KIF21A: variants seen among roughly 807,000 people sequenced by gnomAD.
KIF21A encodes the protein kinesin-like protein KIF21A.
A neutral mutation model predicts 202.9 loss-of-function variants in KIF21A; 114 were observed. The ratio of observed to expected loss-of-function variants is 0.56; its 90% CI spans 0.48 to 0.66. KIF21A has a LOEUF of 0.66. Ranked by LOEUF, KIF21A falls within the 30% of genes least tolerant of loss-of-function variation. The pLI, the probability that KIF21A is intolerant of heterozygous loss-of-function variation, is 0.00. For synonymous variants in KIF21A, 667 were observed against 670.8 expected (o/e 0.99, Z 0.09); for missense variants, 1,677 against 1,994.9 (o/e 0.84, Z 3.04).
chr12:39,351,222 A>G (rs1948351018), intron 11 of KIF21A, among the ~76,000 whole-genome samples: 1 of 152,132 alleles, frequency 6.6e-6, no homozygotes, highest in African/African-American at 2.4e-5. Flanking sequence ...TGAAAAGCTG[A>G]GTAACTCCTT....
intron 1 of KIF21A, among the ~76,000 whole-genome samples, chr12:39,421,075 G>A (rs147288104): frequency 5.3e-5 from 8 of 152,300 alleles, no homozygotes; most frequent in Non-Finnish European, 8.8e-5. Context: ...AACAGTGGTC[G>A]CTTAAGATGA....
rs769871962 is a variant in KIF21A, at chr12:39,357,201, T to C, written c.1405+47A>G. The C allele has an allele frequency of 2.7e-6, 4 of 1,505,936 alleles. No homozygotes were observed. In the Admixed American group the frequency reaches 6.7e-5, roughly 25 times the overall value. The allele number at this position is 1,505,936 out of a possible 1,614,324, so 93.3% of individuals were successfully genotyped here. A position where few individuals can be genotyped will look rare whatever the true frequency, so the allele number is the denominator to read the frequency against. On this transcript the variant is annotated intron_variant, in intron 9 of 37. Transcript: ENST00000361418. The stretch of plus-strand genomic sequence containing the variant: ...ATTAGTGAACACAAAGAATGTTCCC[T>C]GCCCTCCAGAAGTTAATCCCTCACT...
chr12:39,436,448 A>ATATATATATATATATATTT (rs1387332677), intron 1 of KIF21A, among the ~76,000 whole-genome samples: 153 of 95,702 alleles, frequency 1.6e-3, no homozygotes, highest in African/African-American at 6.9e-3. Context: ...ATATATATAT[A>ATATATATATATATATATTT]TTTTTTTTTT....
At chr12:39,313,361 G>A (rs1592082439) in intron 31 of KIF21A, among the ~76,000 whole-genome samples, 1 of 151,802 alleles carries the variant, frequency 6.6e-6, no homozygotes, top group South Asian at 2.1e-4. Flanking sequence ...ACCAACAAAA[G>A]ATAACATGGG....
At chr12:39,431,552 T>C (rs1184748345) in intron 1 of KIF21A, among the ~76,000 whole-genome samples, 1 of 152,184 alleles carries the variant, frequency 6.6e-6, no homozygotes, top group Non-Finnish European at 1.5e-5. Flanking sequence ...GTGATTTACT[T>C]GTGGCTTTAT....
intron 1 of KIF21A, among the ~76,000 whole-genome samples, chr12:39,419,358 G>C (rs1004528590): frequency 6.6e-6 from 1 of 152,202 alleles, no homozygotes; most frequent in African/African-American, 2.4e-5. Context: ...TCTAGTTACT[G>C]TAAGATGCAA....
At chr12:39,308,350 T>G (rs1307933373) in intron 33 of KIF21A, among the ~76,000 whole-genome samples, 3 of 150,726 alleles carry the variant, frequency 2.0e-5, no homozygotes, top group African/African-American at 7.3e-5. Flanking sequence ...ATTGCACCAC[T>G]GCACTCCACC....
At chr12:39,395,390 A>C (rs756184202) in intron 1 of KIF21A, among the ~76,000 whole-genome samples, 3 of 150,716 alleles carry the variant, frequency 2.0e-5, no homozygotes, top group Non-Finnish European at 2.9e-5. Context: ...CCGCTTCTTC[A>C]CCGCATTACT....
intron 16 of KIF21A, among the ~76,000 whole-genome samples, chr12:39,338,860 T>A (rs946813975): frequency 6.6e-6 from 1 of 152,200 alleles, no homozygotes. Flanking sequence ...CAAATGCTGT[T>A]GGAAAAATAG....
At chr12:39,351,321 T>C (rs1399549964) in intron 11 of KIF21A, among the ~76,000 whole-genome samples, 1 of 152,010 alleles carries the variant, frequency 6.6e-6, no homozygotes, top group Non-Finnish European at 1.5e-5. Flanking sequence ...AGAGACCAAA[T>C]GACATTACAT....
chr12:39,366,561 A>G (rs1183797534), intron 5 of KIF21A, 44 bp from the exon 6 acceptor site: 1 of 1,392,210 alleles, frequency 7.2e-7, no homozygotes, highest in Non-Finnish European at 1.0e-6. Flanking sequence ...TTAATGTAAC[A>G]TTAAATATCC....
intron 27 of KIF21A, chr12:39,321,533 G>A (rs1945259174): frequency 6.6e-6 from 1 of 152,078 alleles, no homozygotes; most frequent in African/African-American, 2.4e-5. Flanking sequence ...AAACTATTCT[G>A]GTTAGCAATC....
intron 5 of KIF21A, 141 bp from the exon 6 acceptor site, chr12:39,366,658 T>C (rs1010934824): frequency 1.5e-6 from 1 of 677,418 alleles, no homozygotes; most frequent in African/African-American, 1.8e-5. Context: ...CAAAAATGTC[T>C]GCTGGCAATT....
intron 11 of KIF21A, among the ~76,000 whole-genome samples, chr12:39,351,355 C>T (rs7303100): frequency 0.013 from 1,949 of 152,040 alleles, 17 homozygotes; most frequent in Non-Finnish European, 0.02. Flanking sequence ...ATTAGTTTAG[C>T]CTTTAGTTAA....
intron 1 of KIF21A, among the ~76,000 whole-genome samples, chr12:39,371,443 C>G (rs915361624): frequency 6.6e-6 from 1 of 152,042 alleles, no homozygotes; most frequent in Non-Finnish European, 1.5e-5. Context: ...AATCTGTTTT[C>G]AAAGAAGAAA....
At chr12:39,440,866 T>C (rs957805184) in intron 1 of KIF21A, among the ~76,000 whole-genome samples, 1 of 151,968 alleles carries the variant, frequency 6.6e-6, no homozygotes, top group African/African-American at 2.4e-5. Context: ...TGTATAAAAA[T>C]TAGCCAAGCA....
intron 1 of KIF21A, among the ~76,000 whole-genome samples, chr12:39,378,458 C>T (rs2139368140): frequency 6.6e-6 from 1 of 152,338 alleles, no homozygotes; most frequent in African/African-American, 2.4e-5. Flanking sequence ...CTTCTGGAAA[C>T]TCCAGAGCTT....
intron 35 of KIF21A, among the ~76,000 whole-genome samples, chr12:39,303,650 G>A (rs1348434480): frequency 4.6e-5 from 7 of 152,050 alleles, no homozygotes; most frequent in Non-Finnish European, 7.4e-5. Flanking sequence ...TCATGTATAA[G>A]TGCACAAATG....
intron 29 of KIF21A, among the ~76,000 whole-genome samples, chr12:39,316,752 CA>C (rs1171469340): frequency 6.6e-6 from 1 of 152,050 alleles, no homozygotes; most frequent in Non-Finnish European, 1.5e-5. Flanking sequence ...AAAGGAGCCC[CA>C]GAGAAAGTAA....
Sources: gnomAD v4.1 joint callset for allele counts (sites outside exome capture counted in the v4.1 genomes callset) on GRCh38, gnomAD v4.1.1 for gene constraint, MANE v1.5 for transcripts, NCBI Gene and HGNC (gene_info 2026-07-23, HGNC 2026-07-21) for gene names.